The following EBF1 variants were observed in gnomAD, a reference collection of about 807,000 sequenced individuals.
EBF1 encodes EBF transcription factor 1, also known as transcription factor COE1.
EBF1 carries 10 observed loss-of-function variants against 68.4 expected under a neutral mutation model. The ratio of observed to expected loss-of-function variants is 0.15; its 90% CI spans 0.09 to 0.25. The LOEUF is 0.25. Among genes scored for constraint, EBF1 ranks in the 10% least tolerant of loss-of-function variants. The probability of loss-of-function intolerance (pLI) is 1.00; values close to 1 mark genes in which losing one functional copy is unlikely to be tolerated. For missense variants in EBF1, 509 were observed against 794.4 expected (o/e 0.64, Z 4.32); for synonymous variants, 298 against 299.8 (o/e 0.99, Z 0.06).
chr5:158,800,400 A>G (rs1780366253), intron 8 of EBF1, among the ~76,000 whole-genome samples: 1 of 152,152 alleles, frequency 6.6e-6, no homozygotes. Context: ...AAAGAACTAG[A>G]CTGGGGTTGA....
chr5:158,859,569 C>T (rs1794631917), intron 6 of EBF1, among the ~76,000 whole-genome samples: 1 of 152,218 alleles, frequency 6.6e-6, no homozygotes, highest in Non-Finnish European at 1.5e-5. Flanking sequence ...CTGAACCTCA[C>T]TGACTACACT....
chr5:158,833,345 C>T (rs1788035358), intron 7 of EBF1, among the ~76,000 whole-genome samples: 1 of 151,674 alleles, frequency 6.6e-6, no homozygotes, highest in Admixed American at 6.6e-5. Flanking sequence ...TCCCACCCCA[C>T]ACTGTTTTTC....
intron 8 of EBF1, among the ~76,000 whole-genome samples, chr5:158,810,407 C>A (rs1200148716): frequency 6.6e-6 from 1 of 152,172 alleles, no homozygotes; most frequent in East Asian, 1.9e-4. Flanking sequence ...AATTATCATT[C>A]TTCTAAATAG....
chr5:158,723,854 T>C (rs1762427860), intron 11 of EBF1, among the ~76,000 whole-genome samples: 1 of 152,136 alleles, frequency 6.6e-6, no homozygotes. Flanking sequence ...TCATCGGCCT[T>C]TTTACTGAGG....
intron 9 of EBF1, among the ~76,000 whole-genome samples, chr5:158,779,219 A>G (rs1049363404): frequency 6.6e-6 from 1 of 152,158 alleles, no homozygotes; most frequent in Non-Finnish European, 1.5e-5. Flanking sequence ...CAGAACAATG[A>G]CTGTATTTTT....
At position 158,796,441 on chromosome 5, in the gene EBF1, T is replaced by C; in HGVS notation, c.813A>G (p.Glu271=). The C allele has an allele frequency of 6.2e-7, 1 of 1,613,460 alleles. No homozygotes were observed. The highest frequency in any genetic ancestry group is 1.1e-5 in the South Asian group (1 of 90,958). ...CAGTCGCACCTCCCGTCGTCCATCC[T>C]TCACTCGGGCTGATGGCTTTGATAC... ...TPCIKAISPS[E]GWTTGGATVI... Residue 271 remains glutamate, a synonymous_variant, in exon 9 of 16, where the codon GAA becomes GAG. Transcript: ENST00000313708.
At chr5:158,717,990 G>A (rs905894986) in intron 11 of EBF1, among the ~76,000 whole-genome samples, 1 of 152,122 alleles carries the variant, frequency 6.6e-6, no homozygotes, top group African/African-American at 2.4e-5. Context: ...TAGGGAGACC[G>A]AAGGAGGAAT....
chr5:158,815,870 G>C (rs1324577972), intron 8 of EBF1, among the ~76,000 whole-genome samples: 1 of 152,148 alleles, frequency 6.6e-6, no homozygotes, highest in Admixed American at 6.5e-5. Flanking sequence ...AAGACAAAAG[G>C]CATCTTCTCA....
chr5:159,067,892 T>C (rs1777122100), intron 6 of EBF1, among the ~76,000 whole-genome samples: 1 of 152,148 alleles, frequency 6.6e-6, no homozygotes, highest in Non-Finnish European at 1.5e-5. Flanking sequence ...ACACAATAAT[T>C]ATCCTGCCTA....
At chr5:158,884,941 G>A (rs1003291534) in intron 6 of EBF1, among the ~76,000 whole-genome samples, 2 of 152,194 alleles carry the variant, frequency 1.3e-5, no homozygotes, top group Non-Finnish European at 2.9e-5. Flanking sequence ...AAATGCAGGT[G>A]GCCTAACTCT....
chr5:158,889,768 T>C (rs758537276), intron 6 of EBF1, among the ~76,000 whole-genome samples: 1 of 152,228 alleles, frequency 6.6e-6, no homozygotes, highest in Non-Finnish European at 1.5e-5. Context: ...AGGTCTTCTC[T>C]ACTCCTCTTC....
intron 6 of EBF1, among the ~76,000 whole-genome samples, chr5:159,016,416 G>A (rs1006822539): frequency 4.6e-5 from 7 of 152,094 alleles, no homozygotes; most frequent in African/African-American, 1.7e-4. Context: ...AACTTCTTGA[G>A]GTGAGGCTTG....
At chr5:159,005,707 GA>G (rs1763425635) in intron 6 of EBF1, among the ~76,000 whole-genome samples, 2 of 152,270 alleles carry the variant, frequency 1.3e-5, no homozygotes, top group African/African-American at 4.8e-5. Flanking sequence ...AAATTATGAT[GA>G]TAGAATGCAG....
chr5:158,975,558 G>C (rs1156867874), intron 6 of EBF1, among the ~76,000 whole-genome samples: 2 of 152,154 alleles, frequency 1.3e-5, no homozygotes, highest in Non-Finnish European at 1.5e-5. Context: ...AAAAGAGTGA[G>C]AGTGAAAGGA....
intron 6 of EBF1, among the ~76,000 whole-genome samples, chr5:158,854,743 C>A (rs549309403): frequency 6.6e-6 from 1 of 152,298 alleles, no homozygotes; most frequent in African/African-American, 2.4e-5. Flanking sequence ...TGAAAGAAGA[C>A]GCCATCAAAC....
chr5:158,956,487 A>G (rs1817117598), intron 6 of EBF1, among the ~76,000 whole-genome samples: 1 of 151,990 alleles, frequency 6.6e-6, no homozygotes, highest in South Asian at 2.1e-4. Context: ...ACGCACACAC[A>G]CACACGCACG....
At chr5:158,783,319 A>G (rs748843871) in intron 9 of EBF1, among the ~76,000 whole-genome samples, 25 of 152,228 alleles carry the variant, frequency 1.6e-4, no homozygotes, top group Non-Finnish European at 1.5e-4. Flanking sequence ...TATGTATTAC[A>G]TGTGATTATA....
intron 8 of EBF1, among the ~76,000 whole-genome samples, chr5:158,810,715 A>C (rs996834999): frequency 1.3e-5 from 2 of 152,192 alleles, no homozygotes; most frequent in African/African-American, 4.8e-5. Flanking sequence ...GATTGGGATA[A>C]AAATATATTA....
At chr5:158,959,489 A>G (rs1448910449) in intron 6 of EBF1, among the ~76,000 whole-genome samples, 2 of 152,046 alleles carry the variant, frequency 1.3e-5, no homozygotes, top group African/African-American at 4.8e-5. Flanking sequence ...ATGGGGTTTC[A>G]CCATGTTGAC....
Sources: gnomAD v4.1 joint callset for allele counts (sites outside exome capture counted in the v4.1 genomes callset) on GRCh38, gnomAD v4.1.1 for gene constraint, MANE v1.5 for transcripts, NCBI Gene and HGNC (gene_info 2026-07-23, HGNC 2026-07-21) for gene names.